Variants in MARVELD3 observed in about 807,000 individuals in gnomAD.
MARVELD3 encodes MARVEL domain-containing protein 3.
Under a neutral mutation model 33.5 loss-of-function variants are expected in MARVELD3, and 28 were observed. That is an observed-to-expected ratio of 0.84 (90% CI 0.62 to 1.15). The LOEUF is 1.15. MARVELD3 is among the 50% of genes most tolerant of loss of function. MARVELD3 has a pLI of 0.00. For synonymous variants in MARVELD3, 241 were observed against 230.4 expected (o/e 1.05, Z -0.42); for missense variants, 582 against 547.6 (o/e 1.06, Z -0.63).
At chr16:71,640,509 A>T (rs776679611), downstream of MARVELD3, 29 of 1,614,014 alleles carry the variant, frequency 1.8e-5, no homozygotes, top group African/African-American at 4.0e-5. Flanking sequence ...CTTTGGGAAC[A>T]ACTACTACTC....
chr16:71,640,309 A>T (rs965813785), downstream of MARVELD3: 51 of 1,488,414 alleles, frequency 3.4e-5, no homozygotes, highest in Non-Finnish European at 4.6e-5. Context: ...ACGTCCTTAA[A>T]ATCAGGTGGC....
chr16:71,629,121 A>T (rs970634405), intron 1 of MARVELD3: 2 of 439,056 alleles, frequency 4.6e-6, no homozygotes, highest in Admixed American at 4.6e-5. Flanking sequence ...GACAGCTCCC[A>T]GGGGCAGACA....
chr16:71,640,403 A>G (rs2044608442), downstream of MARVELD3: 2 of 1,614,104 alleles, frequency 1.2e-6, no homozygotes, highest in African/African-American at 2.7e-5. Flanking sequence ...TGGTGCAGAT[A>G]GTGGAGGTGG....
chr16:71,629,357 T>C lies in MARVELD3; in HGVS notation c.468-10T>C. On this transcript the variant is annotated splice_polypyrimidine_tract_variant and intron_variant, in intron 1 of 2. Coordinates refer to ENST00000268485, the MANE Select transcript of MARVELD3 (RefSeq NM_052858.6). ...ACCCCCTAATGACCATGTATGCTTT[T>C]TGGTTATAGTGAACCCCCTTCGGAG... 1 of 1,530,920 alleles carries C rather than the reference T, an allele frequency of 6.5e-7. No homozygotes were observed. The highest frequency in any genetic ancestry group is 8.7e-7 in the Non-Finnish European group (1 of 1,150,340). 94.8% of individuals were successfully genotyped at this position (1,530,920 alleles called of 1,614,324 possible).
Position 71,635,695 on chromosome 16 carries a change from T to C in MARVELD3, c.*892T>C. ...TGAATTTTTCTAAAACACAGTTGTCTCAAGCAGATTACTCCACACGTTTTT... is the reference window on the plus strand; with the variant it reads ...TGAATTTTTCTAAAACACAGTTGTCCCAAGCAGATTACTCCACACGTTTTT... On this transcript the variant is annotated 3_prime_UTR_variant, in exon 3 of 3. Transcript: ENST00000268485. The C allele has an allele frequency of 2.0e-6, 2 of 985,302 alleles. No homozygotes were observed. Among genetic ancestry groups the C allele is most frequent in the Non-Finnish European group, 2.4e-6 (2 of 829,928 alleles). 61.0% of individuals were successfully genotyped at this position (985,302 alleles called of 1,614,324 possible). A position where few individuals can be genotyped will look rare whatever the true frequency, so the allele number is the denominator to read the frequency against.
chr16:71,636,136 T>C lies in MARVELD3; in HGVS notation c.*1333T>C, dbSNP rs2044579746. 1.0e-6 allele frequency: 1 copy of C among 985,198 alleles called. No individual in the cohort carries two copies. Among genetic ancestry groups the C allele is most frequent in the Non-Finnish European group, 1.2e-6 (1 of 829,824 alleles). 61.0% of individuals were successfully genotyped at this position (985,198 alleles called of 1,614,324 possible). On this transcript the variant is annotated 3_prime_UTR_variant, in exon 3 of 3. Transcript: ENST00000268485. ...AGTTATGACTTATGGAACATTACAA[T>C]ATATTCTCGGTCCAAGTGAGTAAGT...
rs376362936 is a variant in MARVELD3 at position 71,635,810 on chromosome 16, G to T, written c.*1007G>T. ...GGGAAACTACTCCTGTAAAATTGAAGTTGGAGGTAGGCGTGGGCTGAGGAA... is the reference window on the plus strand; with the variant it reads ...GGGAAACTACTCCTGTAAAATTGAATTTGGAGGTAGGCGTGGGCTGAGGAA... On this transcript the variant is annotated 3_prime_UTR_variant, in exon 3 of 3. Coordinates refer to ENST00000268485, the MANE Select transcript of MARVELD3 (RefSeq NM_052858.6). The T allele has an allele frequency of 9.1e-6, 9 of 985,300 alleles. No individual in the cohort carries two copies. The East Asian group carries it at 7.9e-4, about 87-fold the overall frequency. The allele number at this position is 985,300 out of a possible 1,614,324, so 61.0% of individuals were successfully genotyped here.
chr16:71,626,346 G>A lies in MARVELD3; in HGVS notation c.117G>A (p.Gly39=), dbSNP rs2044467580. ...ACGATCGACCGCGGGACCGACCCGG[G>A]GACCCGCGCAGGAAGCGAAGCAGCG... ...RTHDRPRDRP[G]DPRRKRSSDG... is the part of the protein sequence containing the mutation. The change falls in exon 1 of 3, where the codon GGG becomes GGA. Residue 39 remains glycine, a synonymous_variant. Transcript: ENST00000268485. The surrounding 1 kb of genome is among the most constrained non-coding windows in gnomAD (Gnocchi z 5.3). 5 of 1,548,138 alleles carry A rather than the reference G, an allele frequency of 3.2e-6. No individual in the cohort carries two copies. Among genetic ancestry groups the A allele is most frequent in the Non-Finnish European group, 4.4e-6 (5 of 1,146,788 alleles).
At chr16:71,630,344 G>A (rs1029879556) in intron 2 of MARVELD3, among the ~76,000 whole-genome samples, 1 of 145,302 alleles carries the variant, frequency 6.9e-6, no homozygotes, top group Non-Finnish European at 1.5e-5. Context: ...AAAATAATAA[G>A]GCCAGGCACG....
rs1307241436 is a variant in MARVELD3 at position 71,626,558 on chromosome 16, C to T, written c.329C>T (p.Pro110Leu). The part of the protein sequence containing the change: ...RAGEHGVWEK[P>L]RQSRTRDGAR... ...GGTGAACACGGAGTTTGGGAAAAACCGCGCCAAAGCCGGACGCGGGACGGA... is the reference window on the plus strand; with the variant it reads ...GGTGAACACGGAGTTTGGGAAAAACTGCGCCAAAGCCGGACGCGGGACGGA... The change falls in exon 1 of 3, where the codon CCG (proline) becomes CTG (leucine). Residue 110 changes from proline to leucine, a missense_variant. Physicochemically the swap from Pro to Leu is moderately conservative, Grantham distance 98. Coordinates refer to ENST00000268485, the MANE Select transcript of MARVELD3 (RefSeq NM_052858.6). The surrounding 1 kb of genome is among the most constrained non-coding windows in gnomAD (Gnocchi z 5.3). 2 of 1,548,492 alleles carry T rather than the reference C, an allele frequency of 1.3e-6. No homozygotes were observed. Among genetic ancestry groups the T allele is most frequent in the Non-Finnish European group, 1.7e-6 (2 of 1,146,872 alleles).
intron 2 of MARVELD3, among the ~76,000 whole-genome samples, chr16:71,630,258 A>C (rs1258469181): frequency 1.3e-5 from 2 of 151,574 alleles, no homozygotes; most frequent in African/African-American, 4.9e-5. Context: ...GTGAGCAGAG[A>C]TCACGTCACT....
rs549087088 is a variant in MARVELD3, at chr16:71,626,727, C to T, written c.467+31C>T. 7.8e-4 allele frequency: 1,105 copies of T among 1,421,920 alleles called. 12 individuals carry two copies. In the African/African-American group the frequency reaches 0.015, roughly 20 times the overall value. 88.1% of individuals were successfully genotyped at this position (1,421,920 alleles called of 1,614,324 possible). On this transcript the variant is annotated intron_variant, in intron 1 of 2. Transcript: ENST00000268485. This position sits in a 1 kb window ranked among gnomAD's most constrained non-coding sequence, Gnocchi z 5.3. ...AGGGGCCGGGGCGCTGCGACCTCCG[C>T]GCCGGGGACACCTGTGGCCCAGGCC...
At chr16:71,627,534 G>A (rs1195137841) in intron 1 of MARVELD3, among the ~76,000 whole-genome samples, 2 of 151,328 alleles carry the variant, frequency 1.3e-5, no homozygotes, top group Non-Finnish European at 1.5e-5. Flanking sequence ...GATGGGAGAC[G>A]CTACATTTTT....
downstream of MARVELD3, among the ~76,000 whole-genome samples, chr16:71,637,659 C>T (rs113789288): frequency 6.3e-3 from 953 of 152,250 alleles, 15 homozygotes; most frequent in African/African-American, 0.021. Flanking sequence ...TAGCTGTTGC[C>T]TAAGTACTTT....
downstream of MARVELD3, chr16:71,640,915 G>C (rs778166227): frequency 1.2e-6 from 2 of 1,614,142 alleles, no homozygotes; most frequent in Non-Finnish European, 1.7e-6. Flanking sequence ...TACGGCGCCA[G>C]CGTGGTGCTG....
Position 71,634,437 on chromosome 16 carries a change from C to G in MARVELD3, c.840C>G (p.Leu280=). The G allele has an allele frequency of 6.2e-7, 1 of 1,614,212 alleles. No homozygotes were observed. Among genetic ancestry groups the G allele is most frequent in the Non-Finnish European group, 8.5e-7 (1 of 1,180,050 alleles). ...VTVAMACSGA[L]TALCCLFVAM... ...TGGCAATGGCCTGTAGTGGAGCCCTCACAGCCCTCTGCTGCCTCTTCGTTG... is the reference window on the plus strand; with the variant it reads ...TGGCAATGGCCTGTAGTGGAGCCCTGACAGCCCTCTGCTGCCTCTTCGTTG... Residue 280 remains leucine (L), a synonymous_variant, in exon 3 of 3, where the codon CTC becomes CTG. Coordinates refer to ENST00000268485, the MANE Select transcript of MARVELD3 (RefSeq NM_052858.6).
exon 3 of MARVELD3, chr16:71,641,697 A>C (rs898356490): frequency 6.6e-6 from 1 of 152,010 alleles, no homozygotes; most frequent in Non-Finnish European, 1.5e-5. Flanking sequence ...TGCAGTGAGC[A>C]AACTCCACTC....
At chr16:71,628,166 C>G (rs1278975018) in intron 1 of MARVELD3, among the ~76,000 whole-genome samples, 1 of 152,210 alleles carries the variant, frequency 6.6e-6, no homozygotes, top group Non-Finnish European at 1.5e-5. Flanking sequence ...CTGTTGTTTC[C>G]CTGACTAAAG....
chr16:71,627,777 G>C (rs184226450), intron 1 of MARVELD3, among the ~76,000 whole-genome samples: 3 of 151,706 alleles, frequency 2.0e-5, no homozygotes, highest in South Asian at 2.1e-4. Flanking sequence ...AGGGGAGGGT[G>C]GGGGGGGAAG....
Sources: allele counts gnomAD v4.1 joint callset (sites outside exome capture counted in the v4.1 genomes callset), GRCh38; gene constraint gnomAD v4.1.1; non-coding constraint Gnocchi (gnomAD v3.1); transcripts MANE v1.5; gene names NCBI Gene and HGNC (gene_info 2026-07-23, HGNC 2026-07-21).